The following ANK3 variants were observed in gnomAD, a reference collection of about 807,000 sequenced individuals.
ANK3 encodes ankyrin 3, also known as ankyrin-3.
ANK3 carries 57 observed loss-of-function variants against 370.9 expected under a neutral mutation model. The observed-to-expected ratio is 0.15, with a 90% CI of 0.12 to 0.19. The LOEUF is 0.19. Ranked by LOEUF, ANK3 falls within the 10% of genes least tolerant of loss-of-function variation. The pLI, the probability that ANK3 is intolerant of heterozygous loss-of-function variation, is 1.00. For synonymous variants in ANK3, 1,929 were observed against 1,946.3 expected (o/e 0.99, Z 0.23); for missense variants, 4,439 against 5,302.1 (o/e 0.84, Z 5.06).
chr10:60,072,958 T>A lies in ANK3; in HGVS notation c.7923A>T (p.Ala2641=). The change falls in exon 37 of 44, where the codon GCA becomes GCT. Residue 2641 remains alanine (A), a synonymous_variant. Coordinates refer to ENST00000280772, the MANE Select transcript of ANK3 (RefSeq NM_020987.5). ...PEKVLLTELL[A]SNDEWVKARQ... is the part of the protein sequence containing the mutation. Reference sequence around the variant, plus strand: ...TTGCCTTAACCCACTCATCATTGGATGCCAGCAGTTCTGTCAGTAGCACTT... The same window carrying A: ...TTGCCTTAACCCACTCATCATTGGAAGCCAGCAGTTCTGTCAGTAGCACTT... 1 of 1,614,132 alleles carries A rather than the reference T, an allele frequency of 6.2e-7. No homozygotes were observed. Among genetic ancestry groups the A allele is most frequent in the Non-Finnish European group, 8.5e-7 (1 of 1,180,014 alleles).
In ANK3 at chr10:60,556,193, A is replaced by C. The variant is rs182224872; in HGVS notation, c.96+58993T>G. Among the ~76,000 whole-genome samples the C allele has an allele frequency of 2.0e-5, 3 of 152,240 alleles. No homozygotes were observed. The East Asian group carries it at 5.8e-4, about 29-fold the overall frequency. On this transcript the variant is annotated intron_variant, in intron 2 of 43. Coordinates refer to the ANK3 transcript ENST00000373827. ...ATTTGAGCCATGGTTAAGTTAACCA[A>C]TATGCAGAACAGAAGGCATATATCT...
intron 12 of ANK3, among the ~76,000 whole-genome samples, chr10:60,202,112 CTTTAT>C (rs949229262): frequency 1.3e-5 from 2 of 152,074 alleles, no homozygotes; most frequent in Non-Finnish European, 2.9e-5. Flanking sequence ...ACCCCCCATA[CTTTAT>C]TTTTTATTTA....
chr10:60,277,679 C>A (rs1592932210), intron 4 of ANK3, among the ~76,000 whole-genome samples: 2 of 150,506 alleles, frequency 1.3e-5, no homozygotes, highest in East Asian at 3.9e-4. Context: ...CTAATACTGC[C>A]AGAGTGTGCC....
intron 12 of ANK3, 61 bp downstream of exon 12, chr10:60,202,941 A>G (rs539542171): frequency 9.7e-5 from 120 of 1,233,972 alleles, no homozygotes; most frequent in Non-Finnish European, 1.3e-4. Flanking sequence ...GTAGATAAAA[A>G]CCACCTTTGC....
intron 9 of ANK3, among the ~76,000 whole-genome samples, chr10:60,208,660 T>C (rs1220708847): frequency 2.0e-5 from 3 of 152,136 alleles, no homozygotes; most frequent in Admixed American, 6.6e-5. Flanking sequence ...TTTGGCCAGA[T>C]AGGAATTCTT....
intron 1 of ANK3, among the ~76,000 whole-genome samples, chr10:60,288,009 C>A (rs1289477789): frequency 6.6e-6 from 1 of 152,174 alleles, no homozygotes; most frequent in African/African-American, 2.4e-5. Context: ...TAAAACCTGT[C>A]CCAAACACAT....
At chr10:60,076,653 T>TAAA (rs79399723) in intron 36 of ANK3, among the ~76,000 whole-genome samples, 1 of 95,268 alleles carries the variant, frequency 1.0e-5, no homozygotes, top group Admixed American at 1.1e-4. Context: ...AATCTGAAGT[T>TAAA]AAAAAAAAAC....
chr10:60,481,833 T>C (rs576337302), intron 2 of ANK3, among the ~76,000 whole-genome samples: 12 of 152,288 alleles, frequency 7.9e-5, no homozygotes, highest in African/African-American at 2.2e-4. Context: ...TTCATTTGCA[T>C]CCTAGCACAG....
chr10:60,134,420 G>T, intron 24 of ANK3, 47 bp from the exon 25 acceptor site: 1 of 1,448,154 alleles, frequency 6.9e-7, no homozygotes. Context: ...ATGATGATGA[G>T]ATGAATAAAA....
chr10:60,698,984 T>C (rs2079509286), intron 1 of ANK3, among the ~76,000 whole-genome samples: 1 of 151,554 alleles, frequency 6.6e-6, no homozygotes, highest in African/African-American at 2.4e-5. Context: ...CACAGTGACC[T>C]GGATGAGATT....
chr10:60,083,442 A>T, intron 33 of ANK3, 50 bp downstream of exon 33: 1 of 1,556,264 alleles, frequency 6.4e-7, no homozygotes, highest in East Asian at 2.3e-5. Context: ...TTATTCTCTA[A>T]GAGTATTTTT....
At chr10:60,647,978 G>A (rs1211573227) in intron 1 of ANK3, among the ~76,000 whole-genome samples, 1 of 151,448 alleles carries the variant, frequency 6.6e-6, no homozygotes, top group African/African-American at 2.4e-5. Flanking sequence ...CTCCCGAGTA[G>A]CTGGGACTAC....
At chr10:60,522,327 C>T (rs888121626) in intron 2 of ANK3, among the ~76,000 whole-genome samples, 6 of 145,200 alleles carry the variant, frequency 4.1e-5, no homozygotes, top group African/African-American at 1.0e-4. Flanking sequence ...AAAGGGACTG[C>T]TAGGGTTCCA....
intron 2 of ANK3, among the ~76,000 whole-genome samples, chr10:60,582,645 A>G (rs2077771276): frequency 6.7e-6 from 1 of 149,342 alleles, no homozygotes; most frequent in Non-Finnish European, 1.5e-5. Flanking sequence ...GATTCCTAAA[A>G]TATATTATTT....
chr10:60,074,314 C>T lies in ANK3; in HGVS notation c.6567G>A (p.Glu2189=), dbSNP rs1200319012. ...GTGAAGGTTTAGGTGACACAGGCTC[C>T]TCTGGTTGGGTCTGGGGAACATCCC... ...SAGDVPQTQP[E]EPVSPKPSPT... Residue 2189 remains glutamate, a synonymous_variant, in exon 37 of 44, where the codon GAG becomes GAA. Coordinates refer to ENST00000280772, the MANE Select transcript of ANK3 (RefSeq NM_020987.5). 1 of 1,613,914 alleles carries T rather than the reference C, an allele frequency of 6.2e-7. No homozygotes were observed. The highest frequency in any genetic ancestry group is 2.2e-5 in the East Asian group (1 of 44,884).
In ANK3 at chr10:60,070,182, A is replaced by G. The variant is rs755295217; in HGVS notation, c.10699T>C (p.Phe3567Leu). Reference sequence around the variant, plus strand: ...GAGCGGTCTTCTACCGCCAGCCCAAATGGCTTAGTTTCATCTTCCCGTGAT... The same window carrying G: ...GAGCGGTCTTCTACCGCCAGCCCAAGTGGCTTAGTTTCATCTTCCCGTGAT... ...SKSREDETKP[F>L]GLAVEDRSPA... Residue 3567 changes from phenylalanine to leucine, a missense_variant, in exon 37 of 44, where the codon TTT becomes CTT. This residue lies in a region of ANK3 where 1,601 missense variants were observed against 1,731.7 expected (regional missense o/e 0.92). Coordinates refer to ENST00000280772, the MANE Select transcript of ANK3 (RefSeq NM_020987.5). The surrounding 1 kb of genome is among the most constrained non-coding windows in gnomAD (Gnocchi z 5.7). 1.2e-6 allele frequency: 2 copies of G among 1,614,136 alleles called. No homozygotes were observed. Among genetic ancestry groups the G allele is most frequent in the Non-Finnish European group, 1.7e-6 (2 of 1,180,004 alleles).
chr10:60,234,796 A>C lies in ANK3; in HGVS notation c.799-10T>G. 6.4e-7 allele frequency: 1 copy of C among 1,570,352 alleles called. No homozygotes were observed. Among genetic ancestry groups the C allele is most frequent in the Non-Finnish European group, 8.8e-7 (1 of 1,140,938 alleles). ...AAGGAGTGATGTCATTCTGGGAAGA[A>C]GAGGAAAAAGTACAGATTTGATATT... On this transcript the variant is annotated splice_polypyrimidine_tract_variant and intron_variant, in intron 7 of 43. Transcript: ENST00000280772.
chr10:60,389,497 T>C lies in ANK3; in HGVS notation c.42A>G (p.Leu14=), dbSNP rs1383351717. Reference sequence around the variant, plus strand: ...CAGGCTCTTCTTCAGCATTGATTTCTAAATCCCTGTTTTTCTTTAATTGTG... The same window carrying C: ...CAGGCTCTTCTTCAGCATTGATTTCCAAATCCCTGTTTTTCTTTAATTGTG... The part of the protein sequence containing the change: ...AASQLKKNRD[L]EINAEEEPEK... Residue 14 remains leucine, a synonymous_variant, in exon 1 of 44, where the codon TTA becomes TTG. Coordinates refer to ENST00000280772, the MANE Select transcript of ANK3 (RefSeq NM_020987.5). 1.9e-6 allele frequency: 3 copies of C among 1,614,100 alleles called. No homozygotes were observed.
intron 37 of ANK3, among the ~76,000 whole-genome samples, chr10:60,068,233 G>C (rs1026676127): frequency 6.6e-6 from 1 of 152,174 alleles, no homozygotes; most frequent in Non-Finnish European, 1.5e-5. Flanking sequence ...TAATGGGATT[G>C]AACATGCTGA....
Sources: allele counts gnomAD v4.1 joint callset (sites outside exome capture counted in the v4.1 genomes callset), GRCh38; gene constraint gnomAD v4.1.1; regional missense constraint gnomAD v4.1.1; non-coding constraint Gnocchi (gnomAD v3.1); transcripts MANE v1.5; gene names NCBI Gene and HGNC (gene_info 2026-07-23, HGNC 2026-07-21).